The following IL1RAPL2 variants were observed in gnomAD, a reference collection of about 807,000 sequenced individuals.
The protein encoded by IL1RAPL2 is X-linked interleukin-1 receptor accessory protein-like 2.
In IL1RAPL2, 3 loss-of-function variants were observed where a neutral mutation model predicts 44.1. The observed-to-expected ratio is 0.07, with a 90% CI of 0.03 to 0.18. The LOEUF is 0.18. IL1RAPL2 is among the 10% of genes least tolerant of loss of function. The probability of loss-of-function intolerance (pLI) is 1.00; values close to 1 mark genes in which losing one functional copy is unlikely to be tolerated. For missense variants in IL1RAPL2, 391 were observed against 496.4 expected, an observed-to-expected ratio of 0.79 and a Z score of 2.02; for synonymous variants, 181 against 178.8, an observed-to-expected ratio of 1.01 and a Z score of -0.10.
chrX:104,596,700 GA>G (rs1928770384), intron 1 of IL1RAPL2, among the ~76,000 whole-genome samples: 1 of 111,353 alleles, frequency 9.0e-6, no homozygotes, highest in African/African-American at 3.3e-5. Flanking sequence ...CCCTTCTCTT[GA>G]ACCCTGGCTC....
rs55720100 is a variant in IL1RAPL2 at position 105,562,512 on chromosome X, A to AACACACACAC, written c.772+78153_772+78162dup. ...TACAATTATTTGTGAATTGAAAATA[A>AACACACACAC]ACACACACACACACACACACACACA... On this transcript the variant is annotated intron_variant, in intron 6 of 10. Transcript: ENST00000372582. 4.7e-3 allele frequency among the ~76,000 whole-genome samples: 427 copies of AACACACACAC among 91,591 alleles called. 1 individual carries two copies. Among genetic ancestry groups the AACACACACAC allele is most frequent in the Middle Eastern group, 0.018 (3 of 169 alleles). 79.5% of individuals were successfully genotyped at this position (91,591 alleles called of 115,157 possible). A position where few individuals can be genotyped will look rare whatever the true frequency, so the allele number is the denominator to read the frequency against.
intron 6 of IL1RAPL2, among the ~76,000 whole-genome samples, chrX:105,646,130 G>C (rs765806244): frequency 9.0e-6 from 1 of 111,478 alleles, no homozygotes; most frequent in Non-Finnish European, 1.9e-5. Flanking sequence ...TGTGTTCAGA[G>C]CTGCTTAGCA....
chrX:105,441,354 C>T (rs1404348952), intron 5 of IL1RAPL2, among the ~76,000 whole-genome samples: 1 of 111,669 alleles, frequency 9.0e-6, no homozygotes, highest in Non-Finnish European at 1.9e-5. Flanking sequence ...TAAGAGCATG[C>T]CCATATACCC....
At chrX:104,653,765 C>T (rs1302999148) in intron 1 of IL1RAPL2, among the ~76,000 whole-genome samples, 3 of 111,275 alleles carry the variant, frequency 2.7e-5, no homozygotes, top group Admixed American at 9.6e-5. Context: ...CCTTTAGGTA[C>T]GAACTAATTA....
intron 6 of IL1RAPL2, among the ~76,000 whole-genome samples, chrX:105,513,056 A>ATGAT (rs2036482867): frequency 9.0e-6 from 1 of 110,936 alleles, no homozygotes; most frequent in Non-Finnish European, 1.9e-5. Context: ...GCTGGGAATC[A>ATGAT]TGATTTCCAG....
At chrX:105,027,332 C>A (rs1471813796) in intron 2 of IL1RAPL2, among the ~76,000 whole-genome samples, 4 of 111,154 alleles carry the variant, frequency 3.6e-5, no homozygotes, top group Non-Finnish European at 7.6e-5. Flanking sequence ...AGGATCACAT[C>A]AAGTTAAAAA....
At position 105,414,210 on chromosome X, in the gene IL1RAPL2, C is replaced by A. The variant is rs1000940486; in HGVS notation, c.698-70103C>A. ...TGGCGCGATCTCGGCTCACTGCAAC[C>A]GCCACCTCCCGGATTGAAGCGATTC... is the stretch of plus-strand genomic sequence containing the variant. On this transcript the variant is annotated intron_variant, in intron 5 of 10. Coordinates refer to ENST00000372582, the MANE Select transcript of IL1RAPL2 (RefSeq NM_017416.2). Among the ~76,000 whole-genome samples, 3 of 110,862 alleles carry A rather than the reference C, an allele frequency of 2.7e-5. No individual in the cohort carries two copies. In the Admixed American group the frequency reaches 2.9e-4, roughly 11 times the overall value.
intron 2 of IL1RAPL2, among the ~76,000 whole-genome samples, chrX:105,076,543 T>C (rs1414171562): frequency 9.0e-6 from 1 of 111,561 alleles, no homozygotes; most frequent in Non-Finnish European, 1.9e-5. Context: ...GAGAGTTCTG[T>C]AGATGTCTAT....
At chrX:105,156,520 G>A (rs978036607) in intron 2 of IL1RAPL2, among the ~76,000 whole-genome samples, 3 of 112,482 alleles carry the variant, frequency 2.7e-5, no homozygotes, top group Non-Finnish European at 3.8e-5. Flanking sequence ...AGCTAATGCA[G>A]CTTTAGTTCC....
At chrX:104,832,494 A>G (rs1230627656) in intron 2 of IL1RAPL2, among the ~76,000 whole-genome samples, 6 of 111,142 alleles carry the variant, frequency 5.4e-5, no homozygotes. Context: ...AAATGGAAGT[A>G]TTTCCTGAGG....
intron 2 of IL1RAPL2, among the ~76,000 whole-genome samples, chrX:104,936,771 A>AT (rs1314624086): frequency 6.4e-5 from 7 of 108,765 alleles, no homozygotes; most frequent in Non-Finnish European, 1.1e-4. Flanking sequence ...ACGGTGGCTA[A>AT]TTTTTTTTGT....
At chrX:104,640,804 T>C (rs982981207) in intron 1 of IL1RAPL2, among the ~76,000 whole-genome samples, 17 of 112,343 alleles carry the variant, frequency 1.5e-4, no homozygotes, top group African/African-American at 5.2e-4. Context: ...GCTTAGGGTA[T>C]GATTGTTAAT....
chrX:104,807,069 C>T (rs757354702), intron 2 of IL1RAPL2, among the ~76,000 whole-genome samples: 5 of 110,777 alleles, frequency 4.5e-5, no homozygotes, highest in African/African-American at 6.6e-5. Flanking sequence ...GCAGATAGGG[C>T]ACCATGCTTC....
chrX:104,626,824 C>CTT (rs199567660), intron 1 of IL1RAPL2, among the ~76,000 whole-genome samples: 9,340 of 98,778 alleles, frequency 0.095, 479 homozygotes, highest in Non-Finnish European at 0.14. Context: ...TTGTAGATAA[C>CTT]TTTTTTTTTT....
At chrX:104,585,374 A>ATATTATATATAT in intron 1 of IL1RAPL2, among the ~76,000 whole-genome samples, 1 of 29,933 alleles carries the variant, frequency 3.3e-5, no homozygotes, top group East Asian at 1.4e-3. Context: ...TATATATTAT[A>ATATTATATATAT]TATAATATAT....
intron 2 of IL1RAPL2, among the ~76,000 whole-genome samples, chrX:105,145,770 C>T (rs1775893840): frequency 9.0e-6 from 1 of 111,224 alleles, no homozygotes; most frequent in African/African-American, 3.3e-5. Flanking sequence ...TATATAGTAC[C>T]TCTCACTCAT....
At chrX:104,635,267 C>T (rs1929767279) in intron 1 of IL1RAPL2, among the ~76,000 whole-genome samples, 1 of 111,350 alleles carries the variant, frequency 9.0e-6, no homozygotes. Context: ...TCTCTGGCTG[C>T]CCTTAACCTT....
At chrX:105,362,931 G>A (rs1215187962) in intron 5 of IL1RAPL2, among the ~76,000 whole-genome samples, 2 of 109,750 alleles carry the variant, frequency 1.8e-5, no homozygotes, top group Non-Finnish European at 3.8e-5. Context: ...TTATCATGCA[G>A]TGCAATAGAT....
At chrX:105,077,660 C>T (rs1453249297) in intron 2 of IL1RAPL2, among the ~76,000 whole-genome samples, 1 of 112,069 alleles carries the variant, frequency 8.9e-6, no homozygotes, top group Non-Finnish European at 1.9e-5. Context: ...GTTCCATTCT[C>T]TCTGTCACTT....
Sources: gnomAD v4.1 joint callset for allele counts (sites outside exome capture counted in the v4.1 genomes callset) on GRCh38, gnomAD v4.1.1 for gene constraint, MANE v1.5 for transcripts, NCBI Gene and HGNC (gene_info 2026-07-23, HGNC 2026-07-21) for gene names.